Variants in CDH7 observed in about 807,000 individuals in gnomAD.
CDH7 encodes the protein cadherin 7, also known as cadherin-7.
CDH7 carries 25 observed loss-of-function variants against 71.8 expected under a neutral mutation model. That is an observed-to-expected ratio of 0.35 (90% confidence interval 0.25 to 0.49). CDH7 has a LOEUF of 0.49. Ranked by LOEUF, CDH7 falls within the 20% of genes least tolerant of loss-of-function variation. The probability of loss-of-function intolerance (pLI) is 0.99; values close to 1 mark genes in which losing one functional copy is unlikely to be tolerated. For synonymous variants in CDH7, 381 were observed against 363.8 expected (o/e 1.05, Z -0.54); for missense variants, 862 against 974.6 (o/e 0.88, Z 1.54).
intron 2 of CDH7, among the ~76,000 whole-genome samples, chr18:65,782,173 T>C (rs199712685): frequency 4.8e-5 from 3 of 61,912 alleles, no homozygotes; most frequent in South Asian, 6.6e-4. Flanking sequence ...TTCCTTTCTT[T>C]CTTTCTTTCT....
intron 11 of CDH7, among the ~76,000 whole-genome samples, chr18:65,878,725 C>A (rs1319650958): frequency 1.3e-5 from 2 of 152,094 alleles, no homozygotes; most frequent in Non-Finnish European, 2.9e-5. Flanking sequence ...TACATATATG[C>A]CCTTTTGGTG....
chr18:65,840,378 A>G (rs1410530861), intron 6 of CDH7, among the ~76,000 whole-genome samples: 1 of 150,658 alleles, frequency 6.6e-6, no homozygotes, highest in Non-Finnish European at 1.5e-5. Flanking sequence ...TGGGAACCCT[A>G]GAGATGCTAA....
At chr18:65,776,339 C>T (rs1024267817) in intron 2 of CDH7, among the ~76,000 whole-genome samples, 3 of 148,174 alleles carry the variant, frequency 2.0e-5, no homozygotes, top group Non-Finnish European at 4.5e-5. Context: ...CTTTTCAAAT[C>T]ACACATTTGA....
intron 11 of CDH7, among the ~76,000 whole-genome samples, chr18:65,870,368 TG>T (rs763453194): frequency 1.3e-5 from 2 of 152,220 alleles, no homozygotes; most frequent in Non-Finnish European, 2.9e-5. Context: ...TTTACTTAAA[TG>T]CCACTTCTGA....
At chr18:65,775,124 C>T (rs986207192) in intron 2 of CDH7, among the ~76,000 whole-genome samples, 1 of 152,164 alleles carries the variant, frequency 6.6e-6, no homozygotes, top group Non-Finnish European at 1.5e-5. Context: ...AGTTATACAG[C>T]AATTCCTATG....
At chr18:65,872,224 C>A (rs536375250) in intron 11 of CDH7, among the ~76,000 whole-genome samples, 1 of 152,158 alleles carries the variant, frequency 6.6e-6, no homozygotes, top group South Asian at 2.1e-4. Context: ...AAAAAAGGGC[C>A]ACAAAGTGCT....
At position 65,762,878 on chromosome 18, in the gene CDH7, G is replaced by C; in HGVS notation, c.36G>C (p.Leu12=). The part of the protein sequence containing the change: ...KLGKVEFCHF[L]QLIALFLCFS... ...GCAAAGTGGAGTTCTGCCATTTTCT[G>C]CAGCTAATAGCTCTTTTCCTGTGTT... The change falls in exon 2 of 12, where the codon CTG becomes CTC. Residue 12 remains leucine, a synonymous_variant. Transcript: ENST00000397968. The C allele has an allele frequency of 6.2e-7, 1 of 1,612,972 alleles. No homozygotes were observed. The highest frequency in any genetic ancestry group is 8.5e-7 in the Non-Finnish European group (1 of 1,179,568).
chr18:65,832,936 A>C (rs1008168851), intron 6 of CDH7, among the ~76,000 whole-genome samples: 4 of 152,196 alleles, frequency 2.6e-5, no homozygotes, highest in Non-Finnish European at 4.4e-5. Flanking sequence ...AGAGTAAAAA[A>C]AATGAGCATT....
At chr18:65,870,849 A>G (rs747597529) in intron 11 of CDH7, among the ~76,000 whole-genome samples, 2 of 152,202 alleles carry the variant, frequency 1.3e-5, no homozygotes, top group Non-Finnish European at 2.9e-5. Flanking sequence ...TTTTGAATGT[A>G]GTGATCTTCG....
At chr18:65,767,043 C>CCT (rs1568174181) in intron 2 of CDH7, among the ~76,000 whole-genome samples, 3 of 151,432 alleles carry the variant, frequency 2.0e-5, no homozygotes, top group Non-Finnish European at 4.4e-5. Context: ...ATGTGTGCTT[C>CCT]GTGCCTCTTC....
At chr18:65,794,778 G>A (rs913901763) in intron 2 of CDH7, among the ~76,000 whole-genome samples, 2 of 152,108 alleles carry the variant, frequency 1.3e-5, no homozygotes, top group Admixed American at 6.5e-5. Context: ...TACAGGCTTC[G>A]TTGTTGGGGA....
rs8091515 is a variant in CDH7, at chr18:65,859,847, C to T, written c.1612+22C>T. The T allele has an allele frequency of 0.22, 287,816 of 1,313,738 alleles. 34,660 individuals are homozygous for T. Among genetic ancestry groups the T allele is most frequent in the Non-Finnish European group, 0.25 (228,793 of 907,494 alleles). The allele number at this position is 1,313,738 out of a possible 1,614,324, so 81.4% of individuals were successfully genotyped here. On this transcript the variant is annotated intron_variant, in intron 10 of 11. Transcript: ENST00000397968. ...AAAGGTAATGTATTAATATTGTTACCGATAGAGGCAGCAGGTACAGATACT... is the reference window on the plus strand; with the variant it reads ...AAAGGTAATGTATTAATATTGTTACTGATAGAGGCAGCAGGTACAGATACT...
chr18:65,785,749 T>C (rs1910490539), intron 2 of CDH7, among the ~76,000 whole-genome samples: 1 of 152,174 alleles, frequency 6.6e-6, no homozygotes, highest in African/African-American at 2.4e-5. Flanking sequence ...GATTTTGATA[T>C]TGCCAAATAA....
intron 2 of CDH7, among the ~76,000 whole-genome samples, chr18:65,802,755 T>C (rs1237973504): frequency 6.6e-6 from 1 of 152,098 alleles, no homozygotes; most frequent in African/African-American, 2.4e-5. Flanking sequence ...TGTGTGAGAG[T>C]TGTGGATCTG....
At chr18:65,752,829 C>T (rs1336215818) in intron 1 of CDH7, among the ~76,000 whole-genome samples, 1 of 152,154 alleles carries the variant, frequency 6.6e-6, no homozygotes, top group Non-Finnish European at 1.5e-5. Flanking sequence ...GACCATCACC[C>T]TGCTAAAAGC....
In CDH7 at chr18:65,881,110, G is replaced by A. The variant is rs1158259653; in HGVS notation, c.*216G>A. ...TATCTAAAGGACTGCACTGACCACA[G>A]ACTCTGAGCATTTGAAGGTTTTTTG... On this transcript the variant is annotated 3_prime_UTR_variant, in exon 12 of 12. Transcript: ENST00000397968. 4 of 434,450 alleles carry A rather than the reference G, an allele frequency of 9.2e-6. No homozygotes were observed. In the Admixed American group the frequency reaches 1.6e-4, roughly 17 times the overall value. 26.9% of individuals were successfully genotyped at this position (434,450 alleles called of 1,614,324 possible).
intron 11 of CDH7, 58 bp downstream of exon 11, chr18:65,862,975 G>A (rs768977207): frequency 3.3e-5 from 52 of 1,554,070 alleles, no homozygotes; most frequent in Non-Finnish European, 4.1e-5. Context: ...CACATGTCAC[G>A]ACTTGCCTAT....
Position 65,872,992 on chromosome 18 carries a change from A to G in CDH7, c.1865-7409A>G, listed in dbSNP as rs184874115. 4.7e-3 allele frequency among the ~76,000 whole-genome samples: 720 copies of G among 152,184 alleles called. 3 individuals are homozygous for G. The highest frequency in any genetic ancestry group is 7.8e-3 in the Non-Finnish European group (529 of 67,998). On this transcript the variant is annotated intron_variant, in intron 11 of 11. Transcript: ENST00000397968. The stretch of plus-strand genomic sequence containing the variant: ...TTTGAAATTAAAAAAGAAAAAAATT[A>G]CTAAAACTTAATTAGTGCCCAGTAG...
In CDH7 at chr18:65,888,258, A is replaced by G. The variant is rs558334809; in HGVS notation, c.*7364A>G. 2.0e-5 allele frequency: 3 copies of G among 152,208 alleles called. No homozygotes were observed. The highest frequency in any genetic ancestry group is 4.4e-5 in the Non-Finnish European group (3 of 68,042). 9.4% of individuals were successfully genotyped at this position (152,208 alleles called of 1,614,324 possible). On this transcript the variant is annotated 3_prime_UTR_variant, in exon 12 of 12. Coordinates refer to ENST00000397968, the MANE Select transcript of CDH7 (RefSeq NM_004361.5). ...TACAAAGTGTACTCTGAATTGGAAT[A>G]AGTGTAGGAAGACAAGCCGTGAGAA...
Sources: allele counts gnomAD v4.1 joint callset (sites outside exome capture counted in the v4.1 genomes callset), GRCh38; gene constraint gnomAD v4.1.1; transcripts MANE v1.5; gene names NCBI Gene and HGNC (gene_info 2026-07-23, HGNC 2026-07-21).